WWOX: variants seen among roughly 807,000 people sequenced by gnomAD.
The protein encoded by WWOX is WW domain containing oxidoreductase, also known as WW domain-containing oxidoreductase.
In WWOX, 69 loss-of-function variants were observed where a neutral mutation model predicts 46.2. That is an observed-to-expected ratio of 1.49 (90% confidence interval 1.23 to 1.82). WWOX has a LOEUF of 1.82. Among genes scored for constraint, WWOX ranks in the 40% most tolerant of loss-of-function variants. WWOX has a pLI of 0.00. For synonymous variants in WWOX, 359 were observed against 202.6 expected (o/e 1.77, Z -6.56); for missense variants, 919 against 542.6 (o/e 1.69, Z -6.89).
chr16:78,357,415 G>T (rs1189575355), intron 5 of WWOX, among the ~76,000 whole-genome samples: 1 of 152,110 alleles, frequency 6.6e-6, no homozygotes, highest in Admixed American at 6.5e-5. Flanking sequence ...CTTTCCAGTG[G>T]TGTTTGTATT....
intron 8 of WWOX, among the ~76,000 whole-genome samples, chr16:78,455,206 G>C (rs1208189277): frequency 1.3e-5 from 2 of 152,204 alleles, no homozygotes; most frequent in African/African-American, 2.4e-5. Flanking sequence ...TGATGTGTCG[G>C]AGGCAAACAT....
In WWOX at chr16:78,396,304, G is replaced by GA. The variant is rs201330100; in HGVS notation, c.605+9366dup. On this transcript the variant is annotated intron_variant, in intron 6 of 8. Coordinates refer to ENST00000566780, the MANE Select transcript of WWOX (RefSeq NM_016373.4). ...GGGTCACTTAGCATGACATTTGTCG[G>GA]AAAAAAAAAAGTTAGTGAGCCTTTT... Among the ~76,000 whole-genome samples the GA allele has an allele frequency of 1.4e-3, 203 of 148,678 alleles. 1 individual carries two copies. The Middle Eastern group carries it at 0.014, about 10-fold the overall frequency.
chr16:78,124,726 T>C (rs2033283410), intron 4 of WWOX, among the ~76,000 whole-genome samples: 1 of 152,166 alleles, frequency 6.6e-6, no homozygotes, highest in African/African-American at 2.4e-5. Context: ...AATCTAATTG[T>C]TTTAAGTCTT....
chr16:79,212,189 G>C lies in WWOX; in HGVS notation c.*393G>C, dbSNP rs906577455. 2.7e-6 allele frequency: 4 copies of C among 1,466,702 alleles called. No individual in the cohort carries two copies. The highest frequency in any genetic ancestry group is 3.6e-6 in the Non-Finnish European group (4 of 1,116,894). The allele number at this position is 1,466,702 out of a possible 1,614,324, so 90.9% of individuals were successfully genotyped here. ...CGGCCACCACTGCAGCCGGGGGCTGGCCTTCTCCTACTTAGGGAAGAAAAA... is the reference window on the plus strand; with the variant it reads ...CGGCCACCACTGCAGCCGGGGGCTGCCCTTCTCCTACTTAGGGAAGAAAAA... On this transcript the variant is annotated 3_prime_UTR_variant, in exon 9 of 9. Coordinates refer to ENST00000566780, the MANE Select transcript of WWOX (RefSeq NM_016373.4).
intron 6 of WWOX, among the ~76,000 whole-genome samples, chr16:78,390,071 C>T (rs1474228802): frequency 1.3e-5 from 2 of 152,174 alleles, no homozygotes; most frequent in Non-Finnish European, 2.9e-5. Flanking sequence ...GTGATAGAAA[C>T]AGACTCAGAG....
intron 8 of WWOX, among the ~76,000 whole-genome samples, chr16:78,680,326 G>C (rs533580298): frequency 2.5e-3 from 383 of 151,870 alleles, no homozygotes; most frequent in African/African-American, 8.8e-3. Context: ...GGAGGATTGC[G>C]TGAGCCCAGG....
chr16:78,283,123 C>G (rs990187222), intron 5 of WWOX, among the ~76,000 whole-genome samples: 2 of 152,066 alleles, frequency 1.3e-5, no homozygotes, highest in African/African-American at 4.8e-5. Flanking sequence ...CTGTGAGATA[C>G]TAGCTAATTC....
intron 8 of WWOX, among the ~76,000 whole-genome samples, chr16:78,469,215 C>G (rs969034307): frequency 5.3e-5 from 8 of 152,128 alleles, no homozygotes; most frequent in Non-Finnish European, 7.3e-5. Flanking sequence ...TCCTGAGAAG[C>G]ATAATTGAGC....
At chr16:78,362,694 G>A (rs1027800411) in intron 5 of WWOX, among the ~76,000 whole-genome samples, 7 of 152,142 alleles carry the variant, frequency 4.6e-5, no homozygotes, top group African/African-American at 1.7e-4. Flanking sequence ...GGACTGGACG[G>A]GGCTTGGAGG....
intron 8 of WWOX, among the ~76,000 whole-genome samples, chr16:78,740,934 T>C (rs1211484742): frequency 1.3e-5 from 2 of 152,166 alleles, no homozygotes; most frequent in African/African-American, 4.8e-5. Context: ...GTTTATTTTT[T>C]CACTATGTCA....
intron 5 of WWOX, among the ~76,000 whole-genome samples, chr16:78,206,674 A>G (rs1235751814): frequency 1.3e-5 from 2 of 152,200 alleles, no homozygotes; most frequent in Non-Finnish European, 2.9e-5. Flanking sequence ...AATAGTTATG[A>G]AAATCATTAC....
intron 5 of WWOX, among the ~76,000 whole-genome samples, chr16:78,372,276 G>C (rs1417150518): frequency 2.6e-5 from 4 of 152,104 alleles, no homozygotes; most frequent in Non-Finnish European, 5.9e-5. Flanking sequence ...CTTTGATTCT[G>C]TGCAAATTCT....
At chr16:78,970,562 T>C (rs933238221) in intron 8 of WWOX, among the ~76,000 whole-genome samples, 2 of 152,122 alleles carry the variant, frequency 1.3e-5, no homozygotes, top group Non-Finnish European at 2.9e-5. Flanking sequence ...TCACCAAGTA[T>C]GGAAGTGGAA....
intron 8 of WWOX, among the ~76,000 whole-genome samples, chr16:79,086,980 T>C (rs2048865193): frequency 6.6e-6 from 1 of 152,146 alleles, no homozygotes; most frequent in Non-Finnish European, 1.5e-5. Flanking sequence ...CGTGTCTGAA[T>C]GGGATATGGT....
intron 8 of WWOX, among the ~76,000 whole-genome samples, chr16:78,710,150 G>A (rs753282957): frequency 2.0e-5 from 3 of 151,974 alleles, no homozygotes; most frequent in Non-Finnish European, 4.4e-5. Context: ...ATGTTGACCT[G>A]CTTGTGTTTA....
At chr16:78,456,779 A>G (rs1349027070) in intron 8 of WWOX, among the ~76,000 whole-genome samples, 1 of 152,256 alleles carries the variant, frequency 6.6e-6, no homozygotes, top group Non-Finnish European at 1.5e-5. Context: ...ATGCCCATTC[A>G]TTATTTAAAG....
At chr16:78,392,732 C>T (rs576287785) in intron 6 of WWOX, among the ~76,000 whole-genome samples, 11 of 152,138 alleles carry the variant, frequency 7.2e-5, no homozygotes, top group African/African-American at 1.2e-4. Flanking sequence ...TTAATGTTTT[C>T]GTAAGAATAC....
At chr16:78,834,590 A>T (rs2051925007) in intron 8 of WWOX, among the ~76,000 whole-genome samples, 1 of 152,196 alleles carries the variant, frequency 6.6e-6, no homozygotes, top group African/African-American at 2.4e-5. Context: ...ATTGCCGATG[A>T]TCAGAAAGTA....
At chr16:79,044,894 T>C (rs1110897) in intron 8 of WWOX, among the ~76,000 whole-genome samples, 29,788 of 152,076 alleles carry the variant, frequency 0.2, 3,010 homozygotes, top group African/African-American at 0.26. Context: ...CTCCCCTGTG[T>C]AGAATGAGGC....
Sources: gnomAD v4.1 joint callset for allele counts (sites outside exome capture counted in the v4.1 genomes callset) on GRCh38, gnomAD v4.1.1 for gene constraint, MANE v1.5 for transcripts, NCBI Gene and HGNC (gene_info 2026-07-23, HGNC 2026-07-21) for gene names.